PDE10A: variants seen among roughly 807,000 people sequenced by gnomAD.
The protein encoded by PDE10A is cAMP and cAMP-inhibited cGMP 3',5'-cyclic phosphodiesterase 10A.
In PDE10A, 39 loss-of-function variants were observed where a neutral mutation model predicts 97.7. That is an observed-to-expected ratio of 0.40 (90% CI 0.31 to 0.52). PDE10A has a LOEUF of 0.52. PDE10A is among the 20% of genes least tolerant of loss of function. The probability of loss-of-function intolerance (pLI) is 0.56; values close to 1 mark genes in which losing one functional copy is unlikely to be tolerated. For missense variants in PDE10A, 731 were observed against 1,047.8 expected (o/e 0.70, Z 4.17); for synonymous variants, 371 against 376.8 (o/e 0.98, Z 0.18).
chr6:165,783,927 C>T (rs9348045), intron 1 of PDE10A, among the ~76,000 whole-genome samples: 76,936 of 151,950 alleles, frequency 0.51, 20,144 homozygotes, highest in Middle Eastern at 0.59. Context: ...CTATGAAAAG[C>T]TGTCTGCCTT....
intron 1 of PDE10A, among the ~76,000 whole-genome samples, chr6:165,691,107 C>CTCCCCCCT (rs1554305960): frequency 2.2e-4 from 3 of 13,422 alleles, no homozygotes; most frequent in African/African-American, 5.8e-4. Flanking sequence ...CTTTCTCTCT[C>CTCCCCCCT]CCCCCCCCCA....
chr6:165,452,829 T>G (rs1363499157), intron 3 of PDE10A, among the ~76,000 whole-genome samples: 1 of 151,578 alleles, frequency 6.6e-6, no homozygotes, highest in East Asian at 1.9e-4. Flanking sequence ...ACAAAAGAAC[T>G]TGAAGGAAAT....
intron 18 of PDE10A, among the ~76,000 whole-genome samples, chr6:165,359,003 A>G (rs1208209751): frequency 1.3e-5 from 2 of 151,914 alleles, no homozygotes; most frequent in African/African-American, 4.8e-5. Context: ...CAAATGTAAG[A>G]AACTTATAAC....
At chr6:165,714,902 C>A (rs1467237644) in intron 1 of PDE10A, among the ~76,000 whole-genome samples, 1 of 151,534 alleles carries the variant, frequency 6.6e-6, no homozygotes, top group Non-Finnish European at 1.5e-5. Flanking sequence ...CTGGGGAGCA[C>A]CCCCTTCCCC....
At chr6:165,849,186 T>A (rs1376360942) in intron 1 of PDE10A, among the ~76,000 whole-genome samples, 1 of 152,082 alleles carries the variant, frequency 6.6e-6, no homozygotes, top group East Asian at 1.9e-4. Flanking sequence ...CTACTAGATG[T>A]TTTTTACTGT....
chr6:165,985,113 C>T (rs930614972), intron 1 of PDE10A, among the ~76,000 whole-genome samples: 4 of 152,232 alleles, frequency 2.6e-5, no homozygotes, highest in African/African-American at 7.2e-5. Context: ...AGGAAGGAAT[C>T]GGTCACACAA....
At chr6:165,944,141 C>G (rs1175679804) in intron 1 of PDE10A, among the ~76,000 whole-genome samples, 2 of 152,138 alleles carry the variant, frequency 1.3e-5, no homozygotes, top group South Asian at 2.1e-4. Flanking sequence ...GGGGGAAATC[C>G]CTTCTTAAAA....
intron 1 of PDE10A, among the ~76,000 whole-genome samples, chr6:165,594,608 A>G (rs1786476305): frequency 6.6e-6 from 1 of 152,214 alleles, no homozygotes; most frequent in South Asian, 2.1e-4. Context: ...TCATCATTTT[A>G]TAAGCCCCAA....
At chr6:165,703,724 G>A (rs752288051) in intron 1 of PDE10A, among the ~76,000 whole-genome samples, 11 of 152,192 alleles carry the variant, frequency 7.2e-5, no homozygotes, top group Non-Finnish European at 1.3e-4. Context: ...TTGGCCTTAG[G>A]CCAAAAGCAC....
rs1788506399 is a variant in PDE10A at position 165,418,940 on chromosome 6, TATATG to T, written c.1654-168_1654-164del. 6.6e-6 allele frequency among the ~76,000 whole-genome samples: 1 copy of T among 152,234 alleles called. No homozygotes were observed. The highest frequency in any genetic ancestry group is 2.4e-5 in the African/African-American group (1 of 41,460). ...TATACAAGTATATAAATATTTCATA[TATATG>T]ATATAAAAGTCACTGTTACATGCTA... On this transcript the variant is annotated intron_variant, in intron 10 of 21. Coordinates refer to ENST00000539869, the MANE Select transcript of PDE10A (RefSeq NM_001385079.1). The surrounding 1 kb of genome is among the most constrained non-coding windows in gnomAD (Gnocchi z 4.8).
intron 3 of PDE10A, among the ~76,000 whole-genome samples, chr6:165,481,217 A>G (rs1379895625): frequency 1.3e-5 from 2 of 152,162 alleles, no homozygotes; most frequent in African/African-American, 2.4e-5. Context: ...AGCAGCTGCC[A>G]AAATTCTAGG....
intron 1 of PDE10A, among the ~76,000 whole-genome samples, chr6:165,861,718 G>A (rs1780911281): frequency 6.6e-6 from 1 of 152,108 alleles, no homozygotes; most frequent in Admixed American, 6.5e-5. Context: ...TGACGGGTTG[G>A]CATGGGAGCC....
chr6:165,986,515 C>CTCTCTCTCTG (rs1785226202), intron 1 of PDE10A: 1 of 26,960 alleles, frequency 3.7e-5, no homozygotes, highest in African/African-American at 1.1e-4. Flanking sequence ...CTCTCTCTGT[C>CTCTCTCTCTG]TCTCTCTCTC....
At chr6:165,583,382 A>G (rs902134261) in intron 1 of PDE10A, among the ~76,000 whole-genome samples, 2 of 152,210 alleles carry the variant, frequency 1.3e-5, no homozygotes, top group African/African-American at 4.8e-5. Context: ...GAGGCCAAAA[A>G]TCACTTCCCA....
chr6:165,650,063 G>T (rs1214127911), intron 1 of PDE10A, among the ~76,000 whole-genome samples: 1 of 152,108 alleles, frequency 6.6e-6, no homozygotes, highest in Non-Finnish European at 1.5e-5. Context: ...GACATTTTGG[G>T]ATCTTGTGTA....
chr6:165,612,872 T>C (rs2128402071), intron 1 of PDE10A, among the ~76,000 whole-genome samples: 2 of 152,318 alleles, frequency 1.3e-5, no homozygotes, highest in South Asian at 4.1e-4. Context: ...TCTTACTGTT[T>C]TAACTAATAG....
chr6:165,396,021 T>C (rs1786130964), intron 14 of PDE10A, among the ~76,000 whole-genome samples: 1 of 152,190 alleles, frequency 6.6e-6, no homozygotes, highest in Non-Finnish European at 1.5e-5. Context: ...ATTTTGAGTG[T>C]TAAATATTAA....
intron 2 of PDE10A, among the ~76,000 whole-genome samples, chr6:165,490,406 G>A (rs542089616): frequency 2.6e-5 from 4 of 152,170 alleles, no homozygotes; most frequent in East Asian, 1.9e-4. Context: ...AAGAGAATTC[G>A]CCACTACCAA....
chr6:165,769,044 A>C (rs917133867), intron 1 of PDE10A, among the ~76,000 whole-genome samples: 1 of 152,208 alleles, frequency 6.6e-6, no homozygotes, highest in Non-Finnish European at 1.5e-5. Context: ...CTTTGCTCTT[A>C]TTACACTTTA....
Sources: gnomAD v4.1 joint callset for allele counts (sites outside exome capture counted in the v4.1 genomes callset) on GRCh38, gnomAD v4.1.1 for gene constraint, Gnocchi (gnomAD v3.1) non-coding constraint, MANE v1.5 for transcripts, NCBI Gene and HGNC (gene_info 2026-07-23, HGNC 2026-07-21) for gene names.